The following AMPH variants were observed in gnomAD, a reference collection of about 807,000 sequenced individuals.
AMPH encodes amphiphysin (Stiff-Mann syndrome with breast cancer 128kD autoantigen).
AMPH carries 49 observed loss-of-function variants against 99.1 expected under a neutral mutation model. The observed-to-expected ratio is 0.49, with a 90% CI of 0.39 to 0.63. AMPH has a LOEUF of 0.63. Ranked by LOEUF, AMPH falls within the 20% of genes least tolerant of loss-of-function variation. AMPH has a pLI of 0.00. For missense variants in AMPH, 759 were observed against 863.4 expected (o/e 0.88, Z 1.52); for synonymous variants, 314 against 317.3 (o/e 0.99, Z 0.11).
chr7:38,403,892 G>T (rs1308657463), intron 17 of AMPH, among the ~76,000 whole-genome samples: 1 of 152,156 alleles, frequency 6.6e-6, no homozygotes, highest in African/African-American at 2.4e-5. Context: ...CCAGATGGCC[G>T]CACCCCCAGT....
intron 17 of AMPH, among the ~76,000 whole-genome samples, chr7:38,396,227 G>C (rs919833371): frequency 4.6e-5 from 7 of 152,176 alleles, no homozygotes; most frequent in Admixed American, 2.6e-4. Context: ...TGTGTTGTGG[G>C]AGGGACTTGG....
intron 4 of AMPH, among the ~76,000 whole-genome samples, chr7:38,493,974 C>T (rs962255120): frequency 2.0e-5 from 3 of 152,074 alleles, no homozygotes; most frequent in African/African-American, 4.8e-5. Context: ...TTATTTTCTT[C>T]GAGATGGAGT....
At chr7:38,441,826 C>G (rs1289502934) in intron 11 of AMPH, among the ~76,000 whole-genome samples, 6 of 96,938 alleles carry the variant, frequency 6.2e-5, no homozygotes, top group Non-Finnish European at 8.2e-5. Flanking sequence ...TATCATATAT[C>G]ATATATATCA....
chr7:38,480,825 T>G (rs976689259), intron 5 of AMPH, among the ~76,000 whole-genome samples: 2 of 152,202 alleles, frequency 1.3e-5, no homozygotes, highest in African/African-American at 4.8e-5. Context: ...CGTAACTATA[T>G]GCAAACTCTT....
intron 1 of AMPH, among the ~76,000 whole-genome samples, chr7:38,541,262 A>G (rs553733190): frequency 0.012 from 1,895 of 152,190 alleles, 42 homozygotes; most frequent in African/African-American, 0.041. Context: ...ATAACTTATG[A>G]CTGGAGAGGC....
At chr7:38,421,944 C>G (rs1230520267) in intron 16 of AMPH, among the ~76,000 whole-genome samples, 2 of 152,218 alleles carry the variant, frequency 1.3e-5, no homozygotes, top group Non-Finnish European at 2.9e-5. Flanking sequence ...CTAAGCTTTT[C>G]TCTCTCTTCT....
chr7:38,585,364 G>T (rs1026574530), intron 1 of AMPH, among the ~76,000 whole-genome samples: 1 of 152,118 alleles, frequency 6.6e-6, no homozygotes, highest in Non-Finnish European at 1.5e-5. Flanking sequence ...ATACAGTAGG[G>T]AATATGACTT....
chr7:38,615,439 G>C (rs1352762286), intron 1 of AMPH, among the ~76,000 whole-genome samples: 1 of 152,114 alleles, frequency 6.6e-6, no homozygotes, highest in Admixed American at 6.5e-5. Context: ...CCAGCTCATA[G>C]AGCCCTCTTT....
intron 1 of AMPH, among the ~76,000 whole-genome samples, chr7:38,615,611 G>A (rs1793846631): frequency 1.3e-5 from 2 of 151,216 alleles, no homozygotes; most frequent in Non-Finnish European, 2.9e-5. Flanking sequence ...CCTGAGAAGT[G>A]AGGATAATGT....
intron 1 of AMPH, among the ~76,000 whole-genome samples, chr7:38,626,355 C>A (rs1182267029): frequency 6.6e-6 from 1 of 152,028 alleles, no homozygotes; most frequent in Admixed American, 6.5e-5. Flanking sequence ...ATATATAGAC[C>A]AATGGAACAG....
intron 10 of AMPH, among the ~76,000 whole-genome samples, chr7:38,462,476 T>C (rs1368070007): frequency 4.6e-5 from 7 of 152,212 alleles, no homozygotes; most frequent in Admixed American, 1.3e-4. Flanking sequence ...CAGCCCTTAT[T>C]GTTTCTCTTC....
At chr7:38,444,229 AC>A (rs1179043594) in intron 11 of AMPH, among the ~76,000 whole-genome samples, 1 of 152,210 alleles carries the variant, frequency 6.6e-6, no homozygotes, top group Admixed American at 6.5e-5. Flanking sequence ...CAGATGACTC[AC>A]ATATCATTGA....
chr7:38,539,667 C>T (rs1220964066), intron 1 of AMPH, among the ~76,000 whole-genome samples: 1 of 152,174 alleles, frequency 6.6e-6, no homozygotes, highest in Non-Finnish European at 1.5e-5. Flanking sequence ...TGCTGAGCAG[C>T]ACTGGGGTGA....
At chr7:38,475,956 A>C (rs923334903) in intron 6 of AMPH, among the ~76,000 whole-genome samples, 1 of 152,220 alleles carries the variant, frequency 6.6e-6, no homozygotes, top group Non-Finnish European at 1.5e-5. Flanking sequence ...ATTCCAGCTT[A>C]CCATGTGAAC....
At chr7:38,410,469 G>A (rs1313908139) in intron 17 of AMPH, among the ~76,000 whole-genome samples, 1 of 152,182 alleles carries the variant, frequency 6.6e-6, no homozygotes, top group East Asian at 1.9e-4. Flanking sequence ...CCTTTGAACT[G>A]GCCATGGCAT....
chr7:38,464,087 A>C (rs1787559448), intron 9 of AMPH: 2 of 1,289,604 alleles, frequency 1.6e-6, no homozygotes, highest in Non-Finnish European at 2.0e-6. Flanking sequence ...GAGCTCACTC[A>C]CCACCTCATT....
chr7:38,428,043 C>T (rs1477112191), intron 14 of AMPH: 15 of 456,658 alleles, frequency 3.3e-5, no homozygotes, highest in South Asian at 2.0e-4. Context: ...TTGTTCCCTA[C>T]AATCACCTGC....
At chr7:38,538,594 G>C (rs1042594720) in intron 1 of AMPH, among the ~76,000 whole-genome samples, 8 of 152,328 alleles carry the variant, frequency 5.3e-5, no homozygotes, top group Admixed American at 1.3e-4. Context: ...ACTCCTTGGT[G>C]ACAATGTTAG....
At chr7:38,385,010 T>C in intron 20 of AMPH, 85 bp from the exon 21 acceptor site, 2 of 1,246,496 alleles carry the variant, frequency 1.6e-6, no homozygotes, top group Non-Finnish European at 1.2e-6. Flanking sequence ...TGTGTTACAT[T>C]AGTGTTGTGG....
Sources: allele counts gnomAD v4.1 joint callset (sites outside exome capture counted in the v4.1 genomes callset), GRCh38; gene constraint gnomAD v4.1.1; transcripts MANE v1.5; gene names NCBI Gene and HGNC (gene_info 2026-07-23, HGNC 2026-07-21).